The following MAPT variants were observed in gnomAD, a reference collection of about 807,000 sequenced individuals.
The protein encoded by MAPT is microtubule-associated protein tau.
In MAPT, 34 loss-of-function variants were observed where a neutral mutation model predicts 67.9. The ratio of observed to expected loss-of-function variants is 0.50; its 90% CI spans 0.38 to 0.67. The LOEUF is 0.67. MAPT is among the 30% of genes least tolerant of loss of function. The probability of loss-of-function intolerance (pLI) is 0.00; values close to 1 mark genes in which losing one functional copy is unlikely to be tolerated. For synonymous variants in MAPT, 456 were observed against 464.5 expected (o/e 0.98, Z 0.23); for missense variants, 881 against 1,115.2 (o/e 0.79, Z 2.99).
At chr17:45,998,172 G>A (rs1368580374) in intron 9 of MAPT, among the ~76,000 whole-genome samples, 4 of 152,144 alleles carry the variant, frequency 2.6e-5, no homozygotes, top group African/African-American at 7.2e-5. Flanking sequence ...ACTTGGGTCT[G>A]AGCCTGGGGC....
At chr17:45,941,728 T>TCTTTCCC (rs2068000169) in intron 1 of MAPT, among the ~76,000 whole-genome samples, 1 of 136,402 alleles carries the variant, frequency 7.3e-6, no homozygotes, top group African/African-American at 2.7e-5. Flanking sequence ...CCTTCCTTCC[T>TCTTTCCC]TCCTTCCTTC....
At chr17:45,933,214 T>C (rs2144726906) in intron 1 of MAPT, among the ~76,000 whole-genome samples, 1 of 151,980 alleles carries the variant, frequency 6.6e-6, no homozygotes. Flanking sequence ...TATTAGTTGG[T>C]TTTATTACTG....
chr17:45,925,682 T>A (rs904083862), intron 1 of MAPT, among the ~76,000 whole-genome samples: 1 of 152,172 alleles, frequency 6.6e-6, no homozygotes, highest in Non-Finnish European at 1.5e-5. Flanking sequence ...GTTTAAAATG[T>A]CATGGGAAAA....
intron 2 of MAPT, among the ~76,000 whole-genome samples, chr17:45,969,931 C>T (rs2071474467): frequency 6.6e-6 from 1 of 150,696 alleles, no homozygotes; most frequent in African/African-American, 2.4e-5. Context: ...ATCATCTATA[C>T]ATCATCCATT....
chr17:45,899,330 C>T (rs2063474777), intron 1 of MAPT, among the ~76,000 whole-genome samples: 1 of 152,192 alleles, frequency 6.6e-6, no homozygotes, highest in African/African-American at 2.4e-5. Flanking sequence ...CCAATGTCAC[C>T]ACTGCTGGGG....
At chr17:45,919,030 C>G (rs1309133413) in intron 1 of MAPT, among the ~76,000 whole-genome samples, 1 of 150,086 alleles carries the variant, frequency 6.7e-6, no homozygotes, top group Non-Finnish European at 1.5e-5. Context: ...CCACTGCACT[C>G]TAGCCTGGGC....
intron 1 of MAPT, among the ~76,000 whole-genome samples, chr17:45,899,119 G>A (rs923326634): frequency 6.6e-6 from 1 of 152,214 alleles, no homozygotes; most frequent in Non-Finnish European, 1.5e-5. Flanking sequence ...GAGTCCTCAT[G>A]TTCCAGCAGG....
At position 45,995,005 on chromosome 17, in the gene MAPT, G is replaced by A. The variant is rs184187478; in HGVS notation, c.1733-1394G>A. ...GGAGGTTGCAGTGAGCCGAGATCAC[G>A]CCATTGCACTCCAGCCTGGGCATCA... On this transcript the variant is annotated intron_variant, in intron 8 of 12. Transcript: ENST00000262410. The surrounding 1 kb of genome is among the most constrained non-coding windows in gnomAD (Gnocchi z 4.3). Among the ~76,000 whole-genome samples, 2 of 152,012 alleles carry A rather than the reference G, an allele frequency of 1.3e-5. No homozygotes were observed. Among genetic ancestry groups the A allele is most frequent in the Admixed American group, 6.6e-5 (1 of 15,258 alleles).
At chr17:45,941,969 A>G (rs531343032) in intron 1 of MAPT, among the ~76,000 whole-genome samples, 1 of 152,154 alleles carries the variant, frequency 6.6e-6, no homozygotes, top group Admixed American at 6.5e-5. Flanking sequence ...CCCACAGGGC[A>G]CTGTGGGACA....
chr17:45,904,216 T>C lies in MAPT; in HGVS notation c.-18+9530T>C, dbSNP rs1037612340. 1.5e-4 allele frequency among the ~76,000 whole-genome samples: 7 copies of C among 47,426 alleles called. 2 individuals are homozygous for C. In the East Asian group the frequency reaches 3.8e-3, roughly 26 times the overall value. 31.1% of individuals were successfully genotyped at this position (47,426 alleles called of 152,430 possible). A position where few individuals can be genotyped will look rare whatever the true frequency, so the allele number is the denominator to read the frequency against. On this transcript the variant is annotated intron_variant, in intron 1 of 12. Coordinates refer to ENST00000262410, the MANE Select transcript of MAPT (RefSeq NM_001377265.1). ...TATATTATATATCTAATATATTATA[T>C]ATATTATATATATTATATATTATAA...
At chr17:45,974,144 C>T (rs550794413) in intron 3 of MAPT, 4 of 572,648 alleles carry the variant, frequency 7.0e-6, no homozygotes, top group African/African-American at 5.6e-5. Flanking sequence ...ACAGGGCTGC[C>T]GGGCTTTCCT....
chr17:45,948,522 C>A (rs242559), intron 1 of MAPT, among the ~76,000 whole-genome samples: 108,822 of 152,102 alleles, frequency 0.72, 40,582 homozygotes, highest in East Asian at 0.95. Flanking sequence ...AGCTTTAGTT[C>A]TGTTGGGCCA....
rs1199182710 is a variant in MAPT, at chr17:45,897,704, AC to A, written c.-18+3019del. The stretch of plus-strand genomic sequence containing the variant: ...ACCCCTCTCACCCTCTGGCGCTCAC[AC>A]ACCTGTAACTCCAAACCTCCGTCTC... On this transcript the variant is annotated intron_variant, in intron 1 of 12. Coordinates refer to ENST00000262410, the MANE Select transcript of MAPT (RefSeq NM_001377265.1). This position sits in a 1 kb window ranked among gnomAD's most constrained non-coding sequence, Gnocchi z 5.0. The A allele has an allele frequency of 6.6e-6, 1 of 152,198 alleles. No individual in the cohort carries two copies. Among genetic ancestry groups the A allele is most frequent in the Non-Finnish European group, 1.5e-5 (1 of 68,122 alleles). 9.4% of individuals were successfully genotyped at this position (152,198 alleles called of 1,614,324 possible).
chr17:45,951,915 GGA>G (rs145267550), intron 1 of MAPT, among the ~76,000 whole-genome samples: 3 of 151,552 alleles, frequency 2.0e-5, no homozygotes, highest in Non-Finnish European at 3.0e-5. Context: ...AGAGAGAGGA[GGA>G]GAGAGAGAGA....
At chr17:46,022,776 G>C (rs1429037262) in intron 12 of MAPT, among the ~76,000 whole-genome samples, 1 of 152,162 alleles carries the variant, frequency 6.6e-6, no homozygotes, top group Non-Finnish European at 1.5e-5. Context: ...ACTTTCAAAA[G>C]GGCTTCAGCC....
intron 6 of MAPT, among the ~76,000 whole-genome samples, chr17:45,988,106 G>A (rs1037102411): frequency 6.6e-6 from 1 of 152,146 alleles, no homozygotes; most frequent in Non-Finnish European, 1.5e-5. Flanking sequence ...GGAAGGAGGA[G>A]TCGTCAATAC....
intron 8 of MAPT, among the ~76,000 whole-genome samples, chr17:45,994,431 C>T (rs1413604836): frequency 2.0e-5 from 3 of 152,140 alleles, no homozygotes; most frequent in Admixed American, 2.0e-4. Context: ...GCCTGGAGGC[C>T]CTGGAGGCCG....
In MAPT at chr17:45,935,722, C is replaced by T. The variant is rs546627839; in HGVS notation, c.-17-26599C>T. ...GGTGTCCCTTTGCCTGGTAATGTCC[C>T]CTTTGCCTGATGATGGCCCTGTCAC... On this transcript the variant is annotated intron_variant, in intron 1 of 12. Coordinates refer to ENST00000262410, the MANE Select transcript of MAPT (RefSeq NM_001377265.1). 5.1e-4 allele frequency among the ~76,000 whole-genome samples: 77 copies of T among 152,140 alleles called. 1 individual carries two copies. Among genetic ancestry groups the T allele is most frequent in the Non-Finnish European group, 9.3e-4 (63 of 68,022 alleles).
chr17:45,901,717 A>G (rs1006152789), intron 1 of MAPT, among the ~76,000 whole-genome samples: 1 of 152,238 alleles, frequency 6.6e-6, no homozygotes, highest in Non-Finnish European at 1.5e-5. Flanking sequence ...CCGAAACTAT[A>G]TAAATGTGAA....
Sources: gnomAD v4.1 joint callset for allele counts (sites outside exome capture counted in the v4.1 genomes callset) on GRCh38, gnomAD v4.1.1 for gene constraint, Gnocchi (gnomAD v3.1) non-coding constraint, MANE v1.5 for transcripts, NCBI Gene and HGNC (gene_info 2026-07-23, HGNC 2026-07-21) for gene names.